Variants in PLXDC2 observed in about 807,000 individuals in gnomAD.
PLXDC2 encodes plexin domain-containing protein 2.
Under a neutral mutation model 68.9 loss-of-function variants are expected in PLXDC2, and 40 were observed. The ratio of observed to expected loss-of-function variants is 0.58; its 90% CI spans 0.45 to 0.76. The LOEUF is 0.76. Among genes scored for constraint, PLXDC2 ranks in the 30% least tolerant of loss-of-function variants. The pLI is 0.00. For synonymous variants in PLXDC2, 243 were observed against 234.2 expected, an observed-to-expected ratio of 1.04 and a Z score of -0.34; for missense variants, 644 against 661.9, an observed-to-expected ratio of 0.97 and a Z score of 0.30.
intron 1 of PLXDC2, among the ~76,000 whole-genome samples, chr10:19,955,692 A>T (rs1017336325): frequency 6.7e-6 from 1 of 149,566 alleles, no homozygotes; most frequent in African/African-American, 2.5e-5. Flanking sequence ...TTCCCAGCTT[A>T]AAAAAAAAAG....
chr10:20,087,800 G>C (rs1249950131), intron 4 of PLXDC2, among the ~76,000 whole-genome samples: 1 of 152,160 alleles, frequency 6.6e-6, no homozygotes, highest in Non-Finnish European at 1.5e-5. Flanking sequence ...TCTGTTACGG[G>C]ACTGTGGTTT....
intron 6 of PLXDC2, among the ~76,000 whole-genome samples, chr10:20,153,449 T>C: frequency 6.6e-6 from 1 of 152,190 alleles, no homozygotes; most frequent in African/African-American, 2.4e-5. Flanking sequence ...TTTCAAGACC[T>C]TGCTCTTTGA....
chr10:20,163,122 T>C (rs1015804855), intron 6 of PLXDC2, among the ~76,000 whole-genome samples: 4 of 152,120 alleles, frequency 2.6e-5, no homozygotes, highest in African/African-American at 9.7e-5. Flanking sequence ...TTTGCTTGTT[T>C]TGTGTGTTTC....
At chr10:19,940,621 CATT>C (rs1486616802) in intron 1 of PLXDC2, among the ~76,000 whole-genome samples, 3 of 151,414 alleles carry the variant, frequency 2.0e-5, no homozygotes, top group East Asian at 1.9e-4. Flanking sequence ...AATAAATCAT[CATT>C]GTCTCCTTGA....
At position 19,817,254 on chromosome 10, in the gene PLXDC2, C is replaced by G. The variant is rs201527455; in HGVS notation, c.112+63C>G. The G allele has an allele frequency of 1.3e-5, 17 of 1,310,104 alleles. 1 individual carries two copies. The South Asian group carries it at 2.0e-4, about 16-fold the overall frequency. The allele number at this position is 1,310,104 out of a possible 1,614,324, so 81.2% of individuals were successfully genotyped here. ...CAGCTGAAGACCTCTCTGGCACTCT[C>G]GTGCTCCCTACCCTCTCCCCCCAAC... On this transcript the variant is annotated intron_variant, in intron 1 of 13. Coordinates refer to ENST00000377252, the MANE Select transcript of PLXDC2 (RefSeq NM_032812.9).
chr10:20,022,447 T>A (rs1216580107), intron 2 of PLXDC2, among the ~76,000 whole-genome samples: 1 of 152,160 alleles, frequency 6.6e-6, no homozygotes, highest in Non-Finnish European at 1.5e-5. Flanking sequence ...GGAAGACTTG[T>A]TAGAAAGGCT....
intron 1 of PLXDC2, among the ~76,000 whole-genome samples, chr10:19,871,614 C>G (rs1281238665): frequency 6.6e-6 from 1 of 151,886 alleles, no homozygotes; most frequent in East Asian, 1.9e-4. Flanking sequence ...TTATATTGGG[C>G]CAGATGCATA....
At chr10:20,175,974 C>T (rs917061215) in intron 7 of PLXDC2, among the ~76,000 whole-genome samples, 3 of 152,018 alleles carry the variant, frequency 2.0e-5, no homozygotes, top group Admixed American at 6.6e-5. Context: ...CAAACCCAGG[C>T]GAGCACATTA....
chr10:19,845,799 G>T (rs1043436724), intron 1 of PLXDC2, among the ~76,000 whole-genome samples: 1 of 152,102 alleles, frequency 6.6e-6, no homozygotes, highest in Non-Finnish European at 1.5e-5. Flanking sequence ...CCTAAGAAGG[G>T]GTAGTAGCTT....
At chr10:20,237,000 GT>G (rs572302166) in intron 12 of PLXDC2, among the ~76,000 whole-genome samples, 66 of 134,674 alleles carry the variant, frequency 4.9e-4, no homozygotes, top group South Asian at 2.4e-3. Context: ...ATGAGTTGTT[GT>G]TTTTTTTTTT....
intron 7 of PLXDC2, among the ~76,000 whole-genome samples, chr10:20,176,420 C>T (rs1443279131): frequency 1.4e-5 from 1 of 70,088 alleles, no homozygotes; most frequent in Admixed American, 1.4e-4. Flanking sequence ...GTGTGTCTGT[C>T]GTGAGAACAC....
At chr10:20,125,289 C>T (rs1052638974) in intron 4 of PLXDC2, among the ~76,000 whole-genome samples, 3 of 151,960 alleles carry the variant, frequency 2.0e-5, no homozygotes, top group Non-Finnish European at 4.4e-5. Flanking sequence ...ACGCCATATC[C>T]GAAAAGTGAA....
chr10:20,196,652 T>C (rs1399244996), intron 9 of PLXDC2, among the ~76,000 whole-genome samples: 3 of 152,194 alleles, frequency 2.0e-5, no homozygotes, highest in South Asian at 2.1e-4. Context: ...CATGCAATTC[T>C]AAAGTTCATG....
intron 13 of PLXDC2, among the ~76,000 whole-genome samples, chr10:20,270,041 A>ATAAAATAAAAT (rs1554780152): frequency 7.7e-4 from 116 of 151,564 alleles, no homozygotes; most frequent in African/African-American, 2.2e-3. Flanking sequence ...ATAAAATAAA[A>ATAAAATAAAAT]TAAAATAAAA....
chr10:20,122,281 C>T (rs1589639819), intron 4 of PLXDC2, among the ~76,000 whole-genome samples: 2 of 152,252 alleles, frequency 1.3e-5, no homozygotes, highest in South Asian at 2.1e-4. Context: ...GGGAAACAGG[C>T]CCTTGAAAAT....
intron 2 of PLXDC2, among the ~76,000 whole-genome samples, chr10:20,036,642 G>C (rs1485075596): frequency 6.6e-6 from 1 of 151,978 alleles, no homozygotes; most frequent in African/African-American, 2.4e-5. Flanking sequence ...ACTTCCAGTG[G>C]ATTGGAAAAT....
rs191672174 is a variant in PLXDC2, at chr10:20,196,011, A to C, written c.1062-15658A>C. Among the ~76,000 whole-genome samples the C allele has an allele frequency of 2.2e-4, 34 of 152,250 alleles. 1 individual carries two copies. Among genetic ancestry groups the C allele is most frequent in the Middle Eastern group, 3.4e-3 (1 of 294 alleles). On this transcript the variant is annotated intron_variant, in intron 9 of 13. Coordinates refer to ENST00000377252, the MANE Select transcript of PLXDC2 (RefSeq NM_032812.9). ...CTTTATGCATGTAAAGGTGCTATTC[A>C]AGTATAACGTTTGGTATGAAGTCAA...
At chr10:20,216,402 G>C (rs1250475920) in intron 10 of PLXDC2, among the ~76,000 whole-genome samples, 1 of 152,100 alleles carries the variant, frequency 6.6e-6, no homozygotes, top group Non-Finnish European at 1.5e-5. Flanking sequence ...GCTCAGAGGT[G>C]CAGGAACTGG....
At chr10:19,913,284 G>C (rs1341586974) in intron 1 of PLXDC2, among the ~76,000 whole-genome samples, 1 of 152,020 alleles carries the variant, frequency 6.6e-6, no homozygotes, top group Non-Finnish European at 1.5e-5. Flanking sequence ...GTGTTTAAAG[G>C]TGTGTAGCAC....
Sources: allele counts gnomAD v4.1 joint callset (sites outside exome capture counted in the v4.1 genomes callset), GRCh38; gene constraint gnomAD v4.1.1; transcripts MANE v1.5; gene names NCBI Gene and HGNC (gene_info 2026-07-23, HGNC 2026-07-21).